LAIR1: variants seen among roughly 807,000 people sequenced by gnomAD.
LAIR1 encodes the protein leukocyte-associated immunoglobulin-like receptor 1.
In LAIR1, 24 loss-of-function variants were observed where a neutral mutation model predicts 32.8. That is an observed-to-expected ratio of 0.73 (90% confidence interval 0.53 to 1.03). The LOEUF (loss-of-function observed/expected upper bound fraction) is 1.03, where lower values mean the gene tolerates loss of function less well. LAIR1 is among the 50% of genes least tolerant of loss of function. The pLI, the probability that LAIR1 is intolerant of heterozygous loss-of-function variation, is 0.00. For synonymous variants in LAIR1, 150 were observed against 140.5 expected (o/e 1.07, Z -0.48); for missense variants, 355 against 347.5 (o/e 1.02, Z -0.17).
chr19:54,353,948 T>C lies in LAIR1; in HGVS notation c.*1320A>G, dbSNP rs929881855. ...TGGGGTTTCACCGTGTTAGCCAGGATGGTCTCGATCTCCTGACCTCGTGAT... is the reference window on the plus strand; with the variant it reads ...TGGGGTTTCACCGTGTTAGCCAGGACGGTCTCGATCTCCTGACCTCGTGAT... On this transcript the variant is annotated 3_prime_UTR_variant, in exon 10 of 10. Coordinates refer to ENST00000391742, the MANE Select transcript of LAIR1 (RefSeq NM_002287.6). 1.3e-5 allele frequency: 2 copies of C among 150,828 alleles called. No homozygotes were observed. Among genetic ancestry groups the C allele is most frequent in the African/African-American group, 2.4e-5 (1 of 41,078 alleles). The allele number at this position is 150,828 out of a possible 1,614,324, so 9.3% of individuals were successfully genotyped here. A position where few individuals can be genotyped will look rare whatever the true frequency, so the allele number is the denominator to read the frequency against.
chr19:54,373,231 A>G (rs1445195515), upstream of LAIR1, among the ~76,000 whole-genome samples: 11 of 151,302 alleles, frequency 7.3e-5, no homozygotes, highest in Admixed American at 7.2e-4. Context: ...TCACGAGGTC[A>G]GGTGATCGAG....
chr19:54,360,991 C>T lies in LAIR1; in HGVS notation c.289G>A (p.Gly97Arg), dbSNP rs1425720525. The change falls in exon 3 of 10, where the codon GGG (glycine) becomes AGG (arginine). Residue 97 changes from glycine to arginine, a missense_variant. Physicochemically the swap from Gly to Arg is moderately radical, Grantham distance 125. Coordinates refer to ENST00000391742, the MANE Select transcript of LAIR1 (RefSeq NM_002287.6). The stretch of plus-strand genomic sequence containing the variant: ...TTATAATAGATGCAGCGATAAAGCC[C>T]GGCATTTCCTTCTCTTACTGAGTCA... ...RIDSVREGNA[G>R]LYRCIYYKPP... 8 of 1,614,084 alleles carry T rather than the reference C, an allele frequency of 5.0e-6. No individual in the cohort carries two copies. In the Middle Eastern group the frequency reaches 4.9e-4, roughly 99 times the overall value.
At chr19:54,372,723 C>T (rs949609446), upstream of LAIR1, among the ~76,000 whole-genome samples, 3 of 150,742 alleles carry the variant, frequency 2.0e-5, no homozygotes, top group East Asian at 5.8e-4. Flanking sequence ...CTCCTGACCT[C>T]GTGATCTGCC....
intron 5 of LAIR1, 78 bp downstream of exon 5, chr19:54,356,850 C>T: frequency 1.3e-6 from 2 of 1,556,620 alleles, no homozygotes; most frequent in Non-Finnish European, 1.8e-6. Flanking sequence ...GGAATCTGAT[C>T]AACCCCAAAG....
chr19:54,371,226 T>C (rs1347447266), upstream of LAIR1, among the ~76,000 whole-genome samples: 3 of 151,484 alleles, frequency 2.0e-5, no homozygotes, highest in Admixed American at 6.6e-5. Flanking sequence ...CTTGCACTTT[T>C]GTAAATATAG....
At position 54,360,916 on chromosome 19, in the gene LAIR1, C is replaced by T. The variant is rs2081987777; in HGVS notation, c.364G>A (p.Glu122Lys). The change falls in exon 3 of 10, where the codon GAA becomes AAA. Residue 122 changes from glutamate (E) to lysine (K), a missense_variant and splice_region_variant. Physicochemically the swap from Glu to Lys is moderately conservative, Grantham distance 56. Coordinates refer to ENST00000391742, the MANE Select transcript of LAIR1 (RefSeq NM_002287.6). ...GGCAGGGCCCAGGTGACGTCCTCAC[C>T]TTTCACCAGCAGCTCCAGGTAGTCA... ...QSDYLELLVK[E>K]SSGGPDSPDT... is the part of the protein sequence containing the mutation. The T allele has an allele frequency of 6.2e-7, 1 of 1,610,886 alleles. No homozygotes were observed. Among genetic ancestry groups the T allele is most frequent in the Non-Finnish European group, 8.5e-7 (1 of 1,177,764 alleles).
At chr19:54,358,212 T>C (rs1459457040) in intron 4 of LAIR1, 3 of 144,392 alleles carry the variant, frequency 2.1e-5, no homozygotes, top group African/African-American at 7.7e-5. Context: ...AATGTATACA[T>C]AATAGATAAT....
upstream of LAIR1, chr19:54,368,220 G>A (rs1182393080): frequency 6.6e-6 from 1 of 152,100 alleles, no homozygotes; most frequent in Non-Finnish European, 1.5e-5. Context: ...TTATTTTCAT[G>A]GTTTTGTAAA....
chr19:54,356,526 A>T lies in LAIR1; in HGVS notation c.548T>A (p.Leu183His), dbSNP rs887777698. The change falls in exon 6 of 10, where the codon CTC becomes CAC. Residue 183 changes from leucine (L) to histidine (H), a missense_variant. Transcript: ENST00000391742. ...VFLFCLLLLV[L>H]FCLHRQNQIK... ...CTGATTCTGGCGATGGAGGCAGAAG[A>T]GGACCAGGAGGAGGAGACAGAAGAG... 2.5e-6 allele frequency: 4 copies of T among 1,613,960 alleles called. No individual in the cohort carries two copies. In the African/African-American group the frequency reaches 4.0e-5, roughly 16 times the overall value.
At chr19:54,356,154 C>A in intron 8 of LAIR1, 76 bp downstream of exon 8, 1 of 1,409,460 alleles carries the variant, frequency 7.1e-7, no homozygotes, top group Non-Finnish European at 1.0e-6. Context: ...TTCCCCCCAC[C>A]CCCCACATTG....
chr19:54,359,288 C>G (rs2081890059), intron 4 of LAIR1, among the ~76,000 whole-genome samples: 2 of 151,904 alleles, frequency 1.3e-5, no homozygotes, highest in Admixed American at 1.3e-4. Flanking sequence ...CTGGGAGTTT[C>G]TGGTCACAGA....
chr19:54,356,236 T>C lies in LAIR1; in HGVS notation c.658A>G (p.Thr220Ala). The change falls in exon 8 of 10, where the codon ACA (threonine) becomes GCA (alanine). Residue 220 changes from threonine to alanine, a missense_variant. Transcript: ENST00000391742. The part of the protein sequence containing the change: ...PDLAVDVLER[T>A]ADKATVNGLP... ...CCTCCTCCTCCCCCTTTACCTGCTG[T>C]CCTCTCTAGAACATCAACAGCCAGG... The C allele has an allele frequency of 6.2e-7, 1 of 1,612,934 alleles. No individual in the cohort carries two copies. The highest frequency in any genetic ancestry group is 1.1e-5 in the South Asian group (1 of 90,984).
intron 2 of LAIR1, among the ~76,000 whole-genome samples, chr19:54,361,710 TG>T (rs968110537): frequency 1.4e-5 from 2 of 146,364 alleles, no homozygotes; most frequent in African/African-American, 5.0e-5. Flanking sequence ...GAGGGTCTGG[TG>T]GGGTGAGGGT....
At position 54,355,266 on chromosome 19, in the gene LAIR1, G is replaced by A; in HGVS notation, c.*2C>T. ...AGGTGCAGAGGCCAGGTGGGTATGG[G>A]GTCAGTGTCTGGCAACGGCTGCATA... On this transcript the variant is annotated 3_prime_UTR_variant, in exon 10 of 10. Coordinates refer to ENST00000391742, the MANE Select transcript of LAIR1 (RefSeq NM_002287.6). The surrounding 1 kb of genome is among the most constrained non-coding windows in gnomAD (Gnocchi z 4.7). The A allele has an allele frequency of 6.2e-7, 1 of 1,601,394 alleles. No homozygotes were observed. Among genetic ancestry groups the A allele is most frequent in the Non-Finnish European group, 8.5e-7 (1 of 1,173,336 alleles).
chr19:54,358,224 T>C (rs1272095996), intron 4 of LAIR1: 3 of 144,454 alleles, frequency 2.1e-5, no homozygotes, highest in African/African-American at 7.7e-5. Context: ...ATAGATAATA[T>C]ATTTACATTA....
upstream of LAIR1, among the ~76,000 whole-genome samples, chr19:54,367,859 G>A (rs1459127224): frequency 5.6e-5 from 8 of 142,326 alleles, no homozygotes; most frequent in South Asian, 4.5e-4. Flanking sequence ...TGCAAGCTCC[G>A]CTTCCCGGGT....
intron 4 of LAIR1, chr19:54,358,389 ATATATATAAT>A (rs2081837678): frequency 1.7e-5 from 2 of 117,674 alleles, no homozygotes; most frequent in Non-Finnish European, 2.9e-5. Flanking sequence ...TATATATAAT[ATATATATAAT>A]ATATATATAT....
intron 2 of LAIR1, among the ~76,000 whole-genome samples, chr19:54,362,225 A>G (rs1309916355): frequency 6.6e-6 from 1 of 152,130 alleles, no homozygotes; most frequent in African/African-American, 2.4e-5. Flanking sequence ...ATTGTGATTA[A>G]CTCTAGTCAT....
rs1569196897 is a variant in LAIR1 at position 54,361,098 on chromosome 19, T to A, written c.182A>T (p.Glu61Val). The A allele has an allele frequency of 1.9e-6, 3 of 1,614,154 alleles. No individual in the cohort carries two copies. The highest frequency in any genetic ancestry group is 2.5e-6 in the Non-Finnish European group (3 of 1,180,018). The change falls in exon 3 of 10, where the codon GAG (glutamate) becomes GTG (valine). Residue 61 changes from glutamate (E) to valine (V), a missense_variant. Glu to Val is a moderately radical substitution (Grantham distance 121, BLOSUM62 -2). Coordinates refer to ENST00000391742, the MANE Select transcript of LAIR1 (RefSeq NM_002287.6). ...ATTGTATGTGGATCTACTGTCCCTC[T>A]CCAGGCGGAATGTTTGAACCCCAAC... ...GPVGVQTFRLERDSRSTYNDT... is the reference protein window; with the variant it reads ...GPVGVQTFRLVRDSRSTYNDT...
Sources: gnomAD v4.1 joint callset for allele counts (sites outside exome capture counted in the v4.1 genomes callset) on GRCh38, gnomAD v4.1.1 for gene constraint, Gnocchi (gnomAD v3.1) non-coding constraint, MANE v1.5 for transcripts, NCBI Gene and HGNC (gene_info 2026-07-23, HGNC 2026-07-21) for gene names.